Variants in HP1BP3 observed in about 807,000 individuals in gnomAD.
HP1BP3 encodes heterochromatin protein 1-binding protein 3.
HP1BP3 carries 12 observed loss-of-function variants against 62.5 expected under a neutral mutation model. The ratio of observed to expected loss-of-function variants is 0.19; its 90% CI spans 0.12 to 0.31. HP1BP3 has a LOEUF of 0.31. Among genes scored for constraint, HP1BP3 ranks in the 10% least tolerant of loss-of-function variants. The pLI is 1.00. For missense variants in HP1BP3, 502 were observed against 651.8 expected, an observed-to-expected ratio of 0.77 and a Z score of 2.50; for synonymous variants, 260 against 237.8, an observed-to-expected ratio of 1.09 and a Z score of -0.86.
At chr1:20,765,619 A>G (rs1342238869) in intron 7 of HP1BP3, 88 bp from the exon 8 acceptor site, 1 of 1,028,810 alleles carries the variant, frequency 9.7e-7, no homozygotes, top group East Asian at 2.7e-5. Context: ...TTGATTACCA[A>G]ATTTGTCAAT....
intron 1 of HP1BP3, 69 bp downstream of exon 1, chr1:20,787,126 C>T (rs1168127281): frequency 6.6e-6 from 1 of 151,740 alleles, no homozygotes; most frequent in Non-Finnish European, 1.5e-5. Context: ...CGAGCGGCCT[C>T]CGCCACTCGC....
At chr1:20,775,793 C>G (rs554599488) in intron 4 of HP1BP3, 1 of 534,574 alleles carries the variant, frequency 1.9e-6, no homozygotes, top group Non-Finnish European at 3.2e-6. Flanking sequence ...CTAGAAGCAA[C>G]AGACTATCCC....
chr1:20,773,373 A>G, intron 5 of HP1BP3, 78 bp downstream of exon 5: 1 of 1,280,604 alleles, frequency 7.8e-7, no homozygotes, highest in African/African-American at 1.5e-5. Context: ...TGATGTCTAG[A>G]CAGATATATG....
intron 9 of HP1BP3, among the ~76,000 whole-genome samples, chr1:20,756,523 T>C (rs1484173384): frequency 2.6e-5 from 4 of 152,046 alleles, no homozygotes; most frequent in African/African-American, 7.2e-5. Flanking sequence ...TGAGCTGTGA[T>C]TGTGCCACTG....
chr1:20,767,753 G>A (rs2056855283), intron 6 of HP1BP3, 89 bp from the exon 7 acceptor site: 2 of 735,514 alleles, frequency 2.7e-6, no homozygotes, highest in Middle Eastern at 3.4e-4. Context: ...AAGAGCTAAT[G>A]TAAAGTGGTG....
Position 20,741,826 on chromosome 1 carries a change from A to T in HP1BP3, c.*2971T>A, listed in dbSNP as rs1423826088. On this transcript the variant is annotated 3_prime_UTR_variant, in exon 13 of 13. Transcript: ENST00000438032. ...TTGATCCATGCTAGAGATTTCTGGG[A>T]TTACCTCTGGGGTTTGTTGTTCCCC... Among the ~76,000 whole-genome samples the T allele has an allele frequency of 1.3e-5, 2 of 152,220 alleles. No homozygotes were observed. Among genetic ancestry groups the T allele is most frequent in the Admixed American group, 6.5e-5 (1 of 15,272 alleles).
chr1:20,748,677 G>A (rs370282752), intron 10 of HP1BP3, among the ~76,000 whole-genome samples: 7 of 152,008 alleles, frequency 4.6e-5, no homozygotes, highest in African/African-American at 1.2e-4. Flanking sequence ...GGAGAATGGC[G>A]TGAACCCAGG....
At chr1:20,751,321 G>A (rs774833557) in intron 9 of HP1BP3, among the ~76,000 whole-genome samples, 7 of 151,608 alleles carry the variant, frequency 4.6e-5, no homozygotes, top group Admixed American at 1.3e-4. Flanking sequence ...CTGCACGGGG[G>A]ATCTGCACCT....
At chr1:20,764,968 A>C (rs1011743064) in intron 8 of HP1BP3, among the ~76,000 whole-genome samples, 1 of 151,958 alleles carries the variant, frequency 6.6e-6, no homozygotes, top group African/African-American at 2.4e-5. Context: ...CAAGAGTTCG[A>C]GACCAGCCTG....
intron 4 of HP1BP3, chr1:20,776,294 G>A (rs2057302060): frequency 2.3e-6 from 1 of 425,626 alleles, no homozygotes; most frequent in Admixed American, 4.1e-5. Context: ...ATTTCTTATT[G>A]AAGTCTTGCC....
chr1:20,787,240 C>A lies in HP1BP3; in HGVS notation c.-146G>T. 2 of 152,202 alleles carry A rather than the reference C, an allele frequency of 1.3e-5. No individual in the cohort carries two copies. The highest frequency in any genetic ancestry group is 3.7e-4 in the South Asian group (2 of 5,368). 9.4% of individuals were successfully genotyped at this position (152,202 alleles called of 1,614,324 possible). On this transcript the variant is annotated 5_prime_UTR_variant, in exon 1 of 13. Coordinates refer to ENST00000438032, the MANE Select transcript of HP1BP3 (RefSeq NM_001372052.1). ...GGCGCCCGCGTCCCGCACGGCCTCT[C>A]GGCGCCGCTCCCGCCGCCGCTAGTC...
intron 5 of HP1BP3, 86 bp from the exon 6 acceptor site, chr1:20,771,159 A>ATTTGAT (rs1457962954): frequency 8.7e-7 from 1 of 1,153,922 alleles, no homozygotes; most frequent in Non-Finnish European, 1.2e-6. Flanking sequence ...TTGGAAGTGA[A>ATTTGAT]TTTGATGATA....
At chr1:20,749,676 A>G (rs2055591167) in intron 10 of HP1BP3, 47 bp downstream of exon 10, 1 of 1,555,150 alleles carries the variant, frequency 6.4e-7, no homozygotes, top group East Asian at 2.3e-5. Context: ...GTTTTTTCAA[A>G]AGAAAATTCT....
chr1:20,767,399 G>C lies in HP1BP3; in HGVS notation c.735+185C>G, dbSNP rs371128688. On this transcript the variant is annotated intron_variant, in intron 7 of 12. Transcript: ENST00000438032. Reference sequence around the variant, plus strand: ...AGCACAGGCTTAACCAGGTTGGACTGCTTGGATCTGCACCTTGGCTATTCT... The same window carrying C: ...AGCACAGGCTTAACCAGGTTGGACTCCTTGGATCTGCACCTTGGCTATTCT... Among the ~76,000 whole-genome samples the C allele has an allele frequency of 5.9e-5, 9 of 152,294 alleles. 1 individual carries two copies. Among genetic ancestry groups the C allele is most frequent in the African/African-American group, 2.2e-4 (9 of 41,562 alleles).
intron 8 of HP1BP3, 26 bp from the exon 9 acceptor site, chr1:20,757,282 AGT>A: frequency 7.1e-7 from 1 of 1,409,494 alleles, no homozygotes. Flanking sequence ...AAAAAAAAAT[AGT>A]GATAAATACA....
rs868205270 is a variant in HP1BP3 at position 20,740,552 on chromosome 1, G to A, written c.*4245C>T. The stretch of plus-strand genomic sequence containing the variant: ...AAGAAAGAATAGGGCCAGGTATGGC[G>A]ACTCACGCCTGTAATCCTGGCACTT... On this transcript the variant is annotated 3_prime_UTR_variant, in exon 13 of 13. Coordinates refer to ENST00000438032, the MANE Select transcript of HP1BP3 (RefSeq NM_001372052.1). 1.2e-4 allele frequency among the ~76,000 whole-genome samples: 18 copies of A among 152,222 alleles called. No individual in the cohort carries two copies. Among genetic ancestry groups the A allele is most frequent in the African/African-American group, 4.3e-4 (18 of 41,468 alleles).
chr1:20,747,577 C>G lies in HP1BP3; in HGVS notation c.1220G>C (p.Gly407Ala). Residue 407 changes from glycine (G) to alanine (A), a missense_variant, in exon 11 of 13, where the codon GGC (glycine) becomes GCC (alanine). Transcript: ENST00000438032. The stretch of plus-strand genomic sequence containing the variant: ...ATAGGGAAAACAGAGCTGGAAGGTG[C>G]CACTGAACCCTTTCCCAGAGATCTG... ...MEQISGKGFS[G>A]TFQLCFPYYP... is the part of the protein sequence containing the mutation. 1 of 1,612,820 alleles carries G rather than the reference C, an allele frequency of 6.2e-7. No homozygotes were observed. Among genetic ancestry groups the G allele is most frequent in the Non-Finnish European group, 8.5e-7 (1 of 1,179,184 alleles).
In HP1BP3 at chr1:20,744,332, T is replaced by C. The variant is rs1428966857; in HGVS notation, c.*465A>G. ...TAAATAAGATTAATTATTACAGCTATAACTGAAGTCTCCAGGCAGGAGGCT... is the reference window on the plus strand; with the variant it reads ...TAAATAAGATTAATTATTACAGCTACAACTGAAGTCTCCAGGCAGGAGGCT... On this transcript the variant is annotated 3_prime_UTR_variant, in exon 13 of 13. Transcript: ENST00000438032. The C allele has an allele frequency of 6.5e-6, 1 of 153,808 alleles. No homozygotes were observed. The highest frequency in any genetic ancestry group is 1.5e-5 in the Non-Finnish European group (1 of 68,962). The allele number at this position is 153,808 out of a possible 1,614,324, so 9.5% of individuals were successfully genotyped here. A position where few individuals can be genotyped will look rare whatever the true frequency, so the allele number is the denominator to read the frequency against.
At chr1:20,751,796 G>A (rs1165344598) in intron 9 of HP1BP3, among the ~76,000 whole-genome samples, 1 of 150,354 alleles carries the variant, frequency 6.7e-6, no homozygotes, top group African/African-American at 2.4e-5. Context: ...CTTTGAAAAT[G>A]AAAGGTGTGG....
Sources: allele counts gnomAD v4.1 joint callset (sites outside exome capture counted in the v4.1 genomes callset), GRCh38; gene constraint gnomAD v4.1.1; transcripts MANE v1.5; gene names NCBI Gene and HGNC (gene_info 2026-07-23, HGNC 2026-07-21).